Variants in TNFSF9 observed in about 807,000 individuals in gnomAD.
TNFSF9 encodes the protein tumor necrosis factor ligand superfamily member 9.
A neutral mutation model predicts 10.3 loss-of-function variants in TNFSF9; 10 were observed. The ratio of observed to expected loss-of-function variants is 0.97; its 90% CI spans 0.60 to 1.65. The LOEUF (loss-of-function observed/expected upper bound fraction) is 1.65, where lower values mean the gene tolerates loss of function less well. TNFSF9 is among the 40% of genes most tolerant of loss of function. The pLI is 0.00. For missense variants in TNFSF9, 361 were observed against 348.9 expected (o/e 1.03, Z -0.28); for synonymous variants, 195 against 176.1 (o/e 1.11, Z -0.85).
chr19:6,532,840 G>C, intron 2 of TNFSF9, 24 bp downstream of exon 2: 1 of 1,613,610 alleles, frequency 6.2e-7, no homozygotes, highest in Non-Finnish European at 8.5e-7. Context: ...GCCACTTCCG[G>C]TCCCTGGCCC....
chr19:6,531,052 G>A lies in TNFSF9; in HGVS notation c.16G>A (p.Asp6Asn), dbSNP rs752027230. Reference protein sequence around the residue: MEYASDASLDPEAPWP... With the variant: MEYASNASLDPEAPWP... ...GTCTCTCGTCATGGAATACGCCTCT[G>A]ACGCTTCACTGGACCCCGAAGCCCC... is the stretch of plus-strand genomic sequence containing the variant. Residue 6 changes from aspartate (D) to asparagine (N), a missense_variant, in exon 1 of 3, where the codon GAC becomes AAC. By Grantham distance (23) the Asp-to-Asn change is conservative. Transcript: ENST00000245817. 4.3e-6 allele frequency: 7 copies of A among 1,611,240 alleles called. No homozygotes were observed. The Admixed American group carries it at 1.2e-4, about 27-fold the overall frequency.
At chr19:6,534,367 G>T (rs1225766392) in intron 2 of TNFSF9, among the ~76,000 whole-genome samples, 6 of 145,374 alleles carry the variant, frequency 4.1e-5, no homozygotes, top group Middle Eastern at 3.2e-3. Context: ...CCCCTGCTCA[G>T]AGTCCCGCCC....
At chr19:6,532,286 TGTGTGTGTG>T (rs1915161481) in intron 1 of TNFSF9, among the ~76,000 whole-genome samples, 1 of 144,824 alleles carries the variant, frequency 6.9e-6, no homozygotes, top group Middle Eastern at 3.4e-3. Flanking sequence ...TGTGTGTGTG[TGTGTGTGTG>T]TGTTCGTGTT....
chr19:6,534,032 T>G lies in TNFSF9; in HGVS notation c.299-568T>G, dbSNP rs953296347. The stretch of plus-strand genomic sequence containing the variant: ...AACAGTCTTCCCTCTCCCTCCTAGC[T>G]CCCTGTCCACCTCTCCTCTCCCCTT... On this transcript the variant is annotated intron_variant, in intron 2 of 2. Coordinates refer to ENST00000245817, the MANE Select transcript of TNFSF9 (RefSeq NM_003811.4). Among the ~76,000 whole-genome samples, 3 of 138,526 alleles carry G rather than the reference T, an allele frequency of 2.2e-5. No homozygotes were observed. The Admixed American group carries it at 2.3e-4, about 10-fold the overall frequency. The allele number at this position is 138,526 out of a possible 152,430, so 90.9% of individuals were successfully genotyped here.
Position 6,531,251 on chromosome 19 carries a change from AGGGTCC to A in TNFSF9, c.216_221del (p.Glu72_Pro74delinsAsp), listed in dbSNP as rs779901982. The A allele has an allele frequency of 3.3e-6, 5 of 1,536,364 alleles. No individual in the cohort carries two copies. The East Asian group carries it at 1.3e-4, about 40-fold the overall frequency. ...TCCGCGGCCAGCCCGAGACTCCGCG[AGGGTCC>A]CGAGCTTTCGCCCGACGATCCCGCC... On this transcript the variant is annotated inframe_deletion, in exon 1 of 3. Transcript: ENST00000245817.
At chr19:6,532,718 G>A in intron 1 of TNFSF9, 68 bp from the exon 2 acceptor site, 2 of 1,611,792 alleles carry the variant, frequency 1.2e-6, no homozygotes, top group Admixed American at 3.3e-5. Flanking sequence ...CAGCTGAAGT[G>A]AGTGGGGACA....
At position 6,535,478 on chromosome 19, in the gene TNFSF9, C is replaced by G. The variant is rs1023254976; in HGVS notation, c.*412C>G. The G allele has an allele frequency of 6.6e-6, 1 of 151,534 alleles. No homozygotes were observed. Among genetic ancestry groups the G allele is most frequent in the Non-Finnish European group, 1.5e-5 (1 of 67,954 alleles). 9.4% of individuals were successfully genotyped at this position (151,534 alleles called of 1,614,324 possible). A position where few individuals can be genotyped will look rare whatever the true frequency, so the allele number is the denominator to read the frequency against. ...TCATCCTTTCTATTAATTCATTGTA[C>G]TTATTTGCTTATTTGTGTGTATTGA... On this transcript the variant is annotated 3_prime_UTR_variant, in exon 3 of 3. Transcript: ENST00000245817.
At chr19:6,532,300 CGTGTTTGTGTGG>C (rs1350182776) in intron 1 of TNFSF9, among the ~76,000 whole-genome samples, 30 of 90,740 alleles carry the variant, frequency 3.3e-4, no homozygotes, top group Admixed American at 2.8e-4. Context: ...TGTGTGTGTT[CGTGTTTGTGTGG>C]GTGTTTGTGT....
chr19:6,534,417 GC>G (rs55830707), intron 2 of TNFSF9, among the ~76,000 whole-genome samples, 182 bp from the exon 3 acceptor site: 4 of 35,022 alleles, frequency 1.1e-4, no homozygotes, highest in Admixed American at 2.6e-4. Flanking sequence ...CCCCCCCAAC[GC>G]CCCCCCCACC....
At position 6,534,426 on chromosome 19, in the gene TNFSF9, A is replaced by C. The variant is rs865781751; in HGVS notation, c.299-174A>C. 0.14 allele frequency among the ~76,000 whole-genome samples: 1,260 copies of C among 9,226 alleles called. 8 individuals are homozygous for C. The highest frequency in any genetic ancestry group is 0.21 in the African/African-American group (553 of 2,684). The allele number at this position is 9,226 out of a possible 152,430, so 6.1% of individuals were successfully genotyped here. A position where few individuals can be genotyped will look rare whatever the true frequency, so the allele number is the denominator to read the frequency against. On this transcript the variant is annotated intron_variant, in intron 2 of 2. Transcript: ENST00000245817. ...TCAGCACCCCCCCAACGCCCCCCCC[A>C]CCCAGGCTCCCCGCTCTGCTCCCCT...
At chr19:6,532,909 G>A in intron 2 of TNFSF9, 93 bp downstream of exon 2, 3 of 1,564,412 alleles carry the variant, frequency 1.9e-6, no homozygotes, top group Non-Finnish European at 2.6e-6. Flanking sequence ...AGGCTCTGCC[G>A]CACACTGGCT....
chr19:6,535,196 C>T lies in TNFSF9; in HGVS notation c.*130C>T, dbSNP rs1758096921. On this transcript the variant is annotated 3_prime_UTR_variant, in exon 3 of 3. Transcript: ENST00000245817. ...CTTGGCAGGGGTCCCTGCTGCTGACCTCCCCTTGAGGACCCTCCTCACCCA... is the reference window on the plus strand; with the variant it reads ...CTTGGCAGGGGTCCCTGCTGCTGACTTCCCCTTGAGGACCCTCCTCACCCA... 9.6e-7 allele frequency: 1 copy of T among 1,045,624 alleles called. No individual in the cohort carries two copies. Among genetic ancestry groups the T allele is most frequent in the Non-Finnish European group, 1.3e-6 (1 of 760,276 alleles). 64.8% of individuals were successfully genotyped at this position (1,045,624 alleles called of 1,614,324 possible).
At chr19:6,532,026 G>A (rs1390329751) in intron 1 of TNFSF9, among the ~76,000 whole-genome samples, 3 of 152,126 alleles carry the variant, frequency 2.0e-5, no homozygotes, top group Non-Finnish European at 4.4e-5. Context: ...GCATCTCTGG[G>A]GGGAACCTTT....
intron 2 of TNFSF9, 108 bp from the exon 3 acceptor site, chr19:6,534,492 T>G: frequency 1.4e-4 from 55 of 383,890 alleles, no homozygotes; most frequent in Non-Finnish European, 1.7e-4. Context: ...CCCCGGCCCC[T>G]GACCCGTTCT....
chr19:6,532,907 C>T, intron 2 of TNFSF9, 91 bp downstream of exon 2: 1 of 1,572,974 alleles, frequency 6.4e-7, no homozygotes, highest in Non-Finnish European at 8.7e-7. Context: ...TGAGGCTCTG[C>T]CGCACACTGG....
At chr19:6,532,407 GTGTT>G (rs1360831391) in intron 1 of TNFSF9, among the ~76,000 whole-genome samples, 30 of 105,326 alleles carry the variant, frequency 2.8e-4, no homozygotes, top group Non-Finnish European at 4.1e-4. Context: ...GTTCGTGTGG[GTGTT>G]TGTGTTTGTT....
intron 1 of TNFSF9, among the ~76,000 whole-genome samples, chr19:6,532,521 G>A (rs898575982): frequency 6.6e-6 from 1 of 150,776 alleles, no homozygotes; most frequent in Admixed American, 6.6e-5. Context: ...GTTTGTGTTT[G>A]CGTTCGTGTG....
intron 1 of TNFSF9, among the ~76,000 whole-genome samples, chr19:6,532,539 G>A (rs1054324721): frequency 2.0e-5 from 3 of 151,226 alleles, no homozygotes; most frequent in Non-Finnish European, 4.4e-5. Context: ...GTGTGTGTTC[G>A]TGTTTGTTCG....
Position 6,534,714 on chromosome 19 carries a change from C to G in TNFSF9, c.413C>G (p.Ala138Gly), listed in dbSNP as rs1355850222. ...EDTKELVVAK[A>G]GVYYVFFQLE... ...ACGAAGGAGCTGGTGGTGGCCAAGG[C>G]TGGAGTCTACTATGTCTTCTTTCAA... is the stretch of plus-strand genomic sequence containing the variant. Residue 138 changes from alanine to glycine, a missense_variant, in exon 3 of 3, where the codon GCT becomes GGT. Physicochemically the swap from Ala to Gly is moderately conservative, Grantham distance 60. Transcript: ENST00000245817. 6.3e-7 allele frequency: 1 copy of G among 1,596,208 alleles called. No individual in the cohort carries two copies. Among genetic ancestry groups the G allele is most frequent in the Admixed American group, 1.8e-5 (1 of 57,080 alleles).
Sources: allele counts gnomAD v4.1 joint callset (sites outside exome capture counted in the v4.1 genomes callset), GRCh38; gene constraint gnomAD v4.1.1; transcripts MANE v1.5; gene names NCBI Gene and HGNC (gene_info 2026-07-23, HGNC 2026-07-21).